Variants in DLEC1 observed in about 807,000 individuals in gnomAD.
The protein encoded by DLEC1 is deleted in lung and esophageal cancer protein 1.
In DLEC1, 146 loss-of-function variants were observed where a neutral mutation model predicts 198.1. The observed-to-expected ratio is 0.74, with a 90% confidence interval of 0.64 to 0.85. The LOEUF (loss-of-function observed/expected upper bound fraction) is 0.85. Ranked by LOEUF, DLEC1 falls within the 40% of genes least tolerant of loss-of-function variation. The pLI, the probability that DLEC1 is intolerant of heterozygous loss-of-function variation, is 0.00. For missense variants in DLEC1, 2,233 were observed against 2,220.0 expected (o/e 1.01, Z -0.12); for synonymous variants, 897 against 866.8 (o/e 1.03, Z -0.61).
chr3:38,084,395 AGT>A, intron 7 of DLEC1, 150 bp downstream of exon 7: 1 of 648,830 alleles, frequency 1.5e-6, no homozygotes, highest in Non-Finnish European at 2.5e-6. Flanking sequence ...TAGTGGTAGT[AGT>A]AGTAGTGGTG....
At position 38,112,103 on chromosome 3, in the gene DLEC1, G is replaced by C; in HGVS notation, c.3515-107G>C. 1 of 1,535,764 alleles carries C rather than the reference G, an allele frequency of 6.5e-7. No homozygotes were observed. Among genetic ancestry groups the C allele is most frequent in the Non-Finnish European group, 8.9e-7 (1 of 1,125,678 alleles). ...GCACATGTAGCCTGACCAAGGAGAG[G>C]CTGGAGGGTGGCTTATCGGGGACAG... On this transcript the variant is annotated intron_variant, in intron 24 of 36. Transcript: ENST00000308059. This position sits in a 1 kb window ranked among gnomAD's most constrained non-coding sequence, Gnocchi z 4.8.
chr3:38,095,969 T>A, intron 14 of DLEC1, 23 bp downstream of exon 14: 1 of 1,612,896 alleles, frequency 6.2e-7, no homozygotes, highest in Non-Finnish European at 8.5e-7. Flanking sequence ...GGGCCCTGGA[T>A]GAGAAGTGGG....
In DLEC1 at chr3:38,097,941, A is replaced by G. The variant is rs1371699317; in HGVS notation, c.2724+39A>G. 5.0e-6 allele frequency: 8 copies of G among 1,612,648 alleles called. No individual in the cohort carries two copies. In the Admixed American group the frequency reaches 6.7e-5, roughly 13 times the overall value. On this transcript the variant is annotated intron_variant, in intron 18 of 36. Transcript: ENST00000308059. ...TGCTGGTTCCTCTGGTGCCCCCACA[A>G]TGAGCCCGTTTAGCTTGCCCTGGTG...
chr3:38,085,262 T>G lies in DLEC1; in HGVS notation c.1262-12T>G. ...TCCCAGGATCCTCACTTGTCACTTT[T>G]GTCATGCACAGGGATGTTCCCAGGA... On this transcript the variant is annotated splice_polypyrimidine_tract_variant and intron_variant, in intron 7 of 36. Transcript: ENST00000308059. The G allele has an allele frequency of 1.9e-6, 3 of 1,614,086 alleles. No homozygotes were observed. The highest frequency in any genetic ancestry group is 2.5e-6 in the Non-Finnish European group (3 of 1,179,968).
Position 38,045,839 on chromosome 3 carries a change from G to T in DLEC1, c.562+146G>T, listed in dbSNP as rs1700863522. 5 of 891,022 alleles carry T rather than the reference G, an allele frequency of 5.6e-6. No homozygotes were observed. In the South Asian group the frequency reaches 9.3e-5, roughly 17 times the overall value. The allele number at this position is 891,022 out of a possible 1,614,324, so 55.2% of individuals were successfully genotyped here. On this transcript the variant is annotated intron_variant, in intron 2 of 36. Transcript: ENST00000308059. ...TGATAATATGAATATTACCACAAAAGAATATTTCATTACCACAAAACACTT... is the reference window on the plus strand; with the variant it reads ...TGATAATATGAATATTACCACAAAATAATATTTCATTACCACAAAACACTT...
rs745977161 is a variant in DLEC1, at chr3:38,116,862, C to T, written c.4152C>T (p.His1384=). 6.2e-7 allele frequency: 1 copy of T among 1,613,590 alleles called. No individual in the cohort carries two copies. The highest frequency in any genetic ancestry group is 8.5e-7 in the Non-Finnish European group (1 of 1,179,858). The change falls in exon 29 of 37, where the codon CAC becomes CAT. Residue 1384 remains histidine (H), a synonymous_variant. Transcript: ENST00000308059. ...CACATGAGGGGGTGCCCTCCGGCCA[C>T]CTGTACTGTATCAGCCCCAAGCAGG... The part of the protein sequence containing the change: ...LQAHEGVPSG[H]LYCISPKQVV...
Position 38,122,962 on chromosome 3 carries a change from C to T in DLEC1, c.*550C>T, listed in dbSNP as rs965427907. The T allele has an allele frequency of 4.4e-5, 61 of 1,397,530 alleles. No individual in the cohort carries two copies. The highest frequency in any genetic ancestry group is 3.2e-5 in the Non-Finnish European group (32 of 991,156). The allele number at this position is 1,397,530 out of a possible 1,614,324, so 86.6% of individuals were successfully genotyped here. On this transcript the variant is annotated 3_prime_UTR_variant, in exon 37 of 37. Transcript: ENST00000308059. ...CACCACCACCAGTGCTGAGTTTTCCCATGTGGTTTTGCTTTTGTGGTGTTA... is the reference window on the plus strand; with the variant it reads ...CACCACCACCAGTGCTGAGTTTTCCTATGTGGTTTTGCTTTTGTGGTGTTA...
At chr3:38,120,358 C>T in intron 33 of DLEC1, 90 bp from the exon 34 acceptor site, 1 of 1,489,624 alleles carries the variant, frequency 6.7e-7, no homozygotes, top group East Asian at 2.3e-5. Flanking sequence ...CAAGGCTGGG[C>T]CTGGGAGGAA....
At chr3:38,072,631 G>A (rs1211346743) in intron 6 of DLEC1, among the ~76,000 whole-genome samples, 1 of 152,190 alleles carries the variant, frequency 6.6e-6, no homozygotes. Context: ...CCTTTTGTGA[G>A]TTTATATAAT....
chr3:38,085,198 G>T lies in DLEC1; in HGVS notation c.1262-76G>T, dbSNP rs1482910613. 5.9e-6 allele frequency: 9 copies of T among 1,526,872 alleles called. No individual in the cohort carries two copies. The East Asian group carries it at 9.0e-5, about 15-fold the overall frequency. The allele number at this position is 1,526,872 out of a possible 1,614,324, so 94.6% of individuals were successfully genotyped here. A position where few individuals can be genotyped will look rare whatever the true frequency, so the allele number is the denominator to read the frequency against. ...CAGAGCCAGCCCTGGCAGGGCTGGGGTCTGTACCAGCTGAGCTCAAGCCCT... is the reference window on the plus strand; with the variant it reads ...CAGAGCCAGCCCTGGCAGGGCTGGGTTCTGTACCAGCTGAGCTCAAGCCCT... On this transcript the variant is annotated intron_variant, in intron 7 of 36. Coordinates refer to ENST00000308059, the MANE Select transcript of DLEC1 (RefSeq NM_007335.4).
At chr3:38,096,885 T>A in intron 15 of DLEC1, 148 bp downstream of exon 15, 1 of 974,024 alleles carries the variant, frequency 1.0e-6, no homozygotes, top group Non-Finnish European at 1.5e-6. Flanking sequence ...CCAACTTGAC[T>A]TGCACAGATG....
intron 10 of DLEC1, among the ~76,000 whole-genome samples, chr3:38,091,624 T>C (rs926373989): frequency 1.3e-5 from 2 of 150,454 alleles, no homozygotes; most frequent in African/African-American, 4.9e-5. Context: ...TGAGGAGGGG[T>C]TAACTCCAAA....
chr3:38,049,770 G>A (rs984832262), intron 2 of DLEC1, among the ~76,000 whole-genome samples: 7 of 152,312 alleles, frequency 4.6e-5, no homozygotes, highest in South Asian at 2.1e-4. Context: ...TTGTCACATG[G>A]CCTTTATCCT....
rs192898932 is a variant in DLEC1 at position 38,077,222 on chromosome 3, C to T, written c.1174-6936C>T. Among the ~76,000 whole-genome samples, 1,411 of 152,126 alleles carry T rather than the reference C, an allele frequency of 9.3e-3. 15 individuals are homozygous for T. Among genetic ancestry groups the T allele is most frequent in the Non-Finnish European group, 0.013 (911 of 67,984 alleles). On this transcript the variant is annotated intron_variant, in intron 6 of 36. Coordinates refer to ENST00000308059, the MANE Select transcript of DLEC1 (RefSeq NM_007335.4). ...GATGGCTTGGAGAAACAGTGTAAAC[C>T]GGCAGTGTAAACAAGAGCAGGGCAT...
In DLEC1 at chr3:38,121,542, A is replaced by C; in HGVS notation, c.4867-86A>C. 2.0e-6 allele frequency: 3 copies of C among 1,505,306 alleles called. No individual in the cohort carries two copies. In the South Asian group the frequency reaches 3.9e-5, roughly 19 times the overall value. The allele number at this position is 1,505,306 out of a possible 1,614,324, so 93.2% of individuals were successfully genotyped here. A position where few individuals can be genotyped will look rare whatever the true frequency, so the allele number is the denominator to read the frequency against. On this transcript the variant is annotated intron_variant, in intron 34 of 36. Transcript: ENST00000308059. The stretch of plus-strand genomic sequence containing the variant: ...TCCCGTTTTCTTCAGGAGCATCAGC[A>C]CTTGGGGTCAGCAGGGTTCTGTGTG...
At chr3:38,080,103 A>C (rs1347462881) in intron 6 of DLEC1, among the ~76,000 whole-genome samples, 2 of 152,344 alleles carry the variant, frequency 1.3e-5, no homozygotes, top group Non-Finnish European at 2.9e-5. Context: ...AAAAAGCCTA[A>C]ATGCTGTCTG....
intron 33 of DLEC1, among the ~76,000 whole-genome samples, 157 bp from the exon 34 acceptor site, chr3:38,120,291 G>T (rs1700381690): frequency 6.6e-6 from 1 of 152,204 alleles, no homozygotes; most frequent in Non-Finnish European, 1.5e-5. Flanking sequence ...GTAGGTGCTG[G>T]GCAGCGCTTG....
chr3:38,044,576 AAAAG>A (rs750879697), intron 1 of DLEC1, among the ~76,000 whole-genome samples: 7 of 152,104 alleles, frequency 4.6e-5, no homozygotes, highest in South Asian at 2.1e-4. Flanking sequence ...AAAAGAAAAA[AAAAG>A]AAAGAAAGGA....
In DLEC1 at chr3:38,123,264, C is replaced by CA. The variant is rs1405960275; in HGVS notation, c.*853dup. The CA allele has an allele frequency of 2.4e-5, 17 of 707,000 alleles. No homozygotes were observed. Among genetic ancestry groups the CA allele is most frequent in the Non-Finnish European group, 4.0e-5 (16 of 402,930 alleles). 43.8% of individuals were successfully genotyped at this position (707,000 alleles called of 1,614,324 possible). On this transcript the variant is annotated 3_prime_UTR_variant, in exon 37 of 37. Transcript: ENST00000308059. ...GTGGGCAAGCGGTACCCTGGCCTCCCACTTGGGCACACACACGGTGACAGA... is the reference window on the plus strand; with the variant it reads ...GTGGGCAAGCGGTACCCTGGCCTCCCAACTTGGGCACACACACGGTGACAGA...
Sources: gnomAD v4.1 joint callset for allele counts (sites outside exome capture counted in the v4.1 genomes callset) on GRCh38, gnomAD v4.1.1 for gene constraint, Gnocchi (gnomAD v3.1) non-coding constraint, MANE v1.5 for transcripts, NCBI Gene and HGNC (gene_info 2026-07-23, HGNC 2026-07-21) for gene names.